PACRGL: variants seen among roughly 807,000 people sequenced by gnomAD.
PACRGL encodes the protein PACRG-like protein.
PACRGL carries 38 observed loss-of-function variants against 34.5 expected under a neutral mutation model. The ratio of observed to expected loss-of-function variants is 1.10; its 90% CI spans 0.85 to 1.44. The LOEUF (loss-of-function observed/expected upper bound fraction) is 1.44, where lower values mean the gene tolerates loss of function less well. Ranked by LOEUF, PACRGL falls within the 40% of genes most tolerant of loss-of-function variation. The pLI, the probability that PACRGL is intolerant of heterozygous loss-of-function variation, is 0.00. For missense variants in PACRGL, 305 were observed against 281.4 expected, an observed-to-expected ratio of 1.08 and a Z score of -0.60; for synonymous variants, 128 against 100.1, an observed-to-expected ratio of 1.28 and a Z score of -1.66.
the PACRGL span, chr4:20,758,961 A>G: frequency 3.4e-6 from 4 of 1,188,054 alleles, no homozygotes; most frequent in Non-Finnish European, 5.0e-6. Flanking sequence ...CACATTTTGA[A>G]ACAGAACTGT....
chr4:20,736,569 TTA>T (rs1474277163), downstream of PACRGL, among the ~76,000 whole-genome samples: 4 of 152,306 alleles, frequency 2.6e-5, no homozygotes, highest in African/African-American at 9.6e-5. Flanking sequence ...TTTCTAATTT[TTA>T]TATGTTTACT....
rs992589042 is a variant in PACRGL at position 20,731,761 on chromosome 4, C to T, written c.*4420C>T. Reference sequence around the variant, plus strand: ...TCTCTAAGGAATTTGGGAATCAACACAGTACATGTACAACTTTTGTATCCC... The same window carrying T: ...TCTCTAAGGAATTTGGGAATCAACATAGTACATGTACAACTTTTGTATCCC... On this transcript the variant is annotated 3_prime_UTR_variant, in exon 9 of 9. Transcript: ENST00000503585. 7 of 985,294 alleles carry T rather than the reference C, an allele frequency of 7.1e-6. No individual in the cohort carries two copies. The African/African-American group carries it at 1.0e-4, about 15-fold the overall frequency. 61.0% of individuals were successfully genotyped at this position (985,294 alleles called of 1,614,324 possible).
Position 20,731,844 on chromosome 4 carries a change from G to T in PACRGL, c.*4503G>T, listed in dbSNP as rs933323682. Reference sequence around the variant, plus strand: ...ACTCTAAATGTTGATTATGTAATTGGTGCTTGTTTTCAGAGTGGTAGGCTT... The same window carrying T: ...ACTCTAAATGTTGATTATGTAATTGTTGCTTGTTTTCAGAGTGGTAGGCTT... On this transcript the variant is annotated 3_prime_UTR_variant, in exon 9 of 9. Coordinates refer to ENST00000503585, the MANE Select transcript of PACRGL (RefSeq NM_001258345.3). 3 of 985,258 alleles carry T rather than the reference G, an allele frequency of 3.0e-6. No individual in the cohort carries two copies. The African/African-American group carries it at 5.2e-5, about 17-fold the overall frequency. The allele number at this position is 985,258 out of a possible 1,614,324, so 61.0% of individuals were successfully genotyped here.
downstream of PACRGL, among the ~76,000 whole-genome samples, chr4:20,756,527 TCA>T (rs1754471272): frequency 6.6e-6 from 1 of 152,158 alleles, no homozygotes; most frequent in Non-Finnish European, 1.5e-5. Flanking sequence ...AGCACTATGA[TCA>T]GTTTCCTCAT....
chr4:20,711,032 A>G (rs1325476836), intron 5 of PACRGL, among the ~76,000 whole-genome samples: 2 of 151,760 alleles, frequency 1.3e-5, no homozygotes, highest in African/African-American at 4.8e-5. Flanking sequence ...TACAAAAAAG[A>G]AAAAAAAGAA....
At chr4:20,716,240 T>A in intron 7 of PACRGL, 1 of 813,892 alleles carries the variant, frequency 1.2e-6, no homozygotes. Context: ...AAGATTAAAA[T>A]CAGCAAAGGT....
chr4:20,747,400 G>T (rs1396354352), intron 8 of PACRGL, among the ~76,000 whole-genome samples: 1 of 152,124 alleles, frequency 6.6e-6, no homozygotes, highest in Non-Finnish European at 1.5e-5. Flanking sequence ...AATTAAGACT[G>T]TGCTGGAATT....
chr4:20,701,064 C>G (rs985546807), intron 1 of PACRGL, among the ~76,000 whole-genome samples: 13 of 152,134 alleles, frequency 8.5e-5, no homozygotes, highest in African/African-American at 2.9e-4. Context: ...TAGAATTTGA[C>G]AGAGCTTTAC....
intron 4 of PACRGL, 138 bp from the exon 5 acceptor site, chr4:20,709,545 C>T (rs1736137579): frequency 3.7e-6 from 2 of 539,792 alleles, no homozygotes; most frequent in Non-Finnish European, 6.3e-6. Flanking sequence ...GTAAAATGTC[C>T]TTGTACTATC....
chr4:20,749,312 CT>C (rs1753139744), intron 8 of PACRGL, among the ~76,000 whole-genome samples: 1 of 152,130 alleles, frequency 6.6e-6, no homozygotes, highest in Non-Finnish European at 1.5e-5. Context: ...CATAACAGGA[CT>C]TTTGACTTTA....
Position 20,709,763 on chromosome 4 carries a change from C to G in PACRGL, c.356C>G (p.Thr119Ser). Residue 119 changes from threonine (T) to serine (S), a missense_variant, in exon 5 of 9, where the codon ACT (threonine) becomes AGT (serine). Thr to Ser is a moderately conservative substitution (Grantham distance 58). Transcript: ENST00000503585. ...CTTTCATTTGATCCACTTCTTATTA[C>G]TTTAGCTGAGGTAAATATGCCATCT... ...ESLSFDPLLI[T>S]LAEGLRETKH... 1 of 1,597,534 alleles carries G rather than the reference C, an allele frequency of 6.3e-7. No homozygotes were observed. Among genetic ancestry groups the G allele is most frequent in the Admixed American group, 1.7e-5 (1 of 59,850 alleles).
At chr4:20,708,980 A>AC (rs1212820929) in intron 4 of PACRGL, among the ~76,000 whole-genome samples, 1 of 151,652 alleles carries the variant, frequency 6.6e-6, no homozygotes, top group Non-Finnish European at 1.5e-5. Flanking sequence ...AAAAAAAAAA[A>AC]AATACAAAAT....
At chr4:20,738,718 C>T (rs1212635724) in intron 8 of PACRGL, among the ~76,000 whole-genome samples, 1 of 152,162 alleles carries the variant, frequency 6.6e-6, no homozygotes, top group South Asian at 2.1e-4. Context: ...ACTGAGGTAC[C>T]AGGTTCATCT....
chr4:20,748,558 T>TTTTA, intron 8 of PACRGL, among the ~76,000 whole-genome samples: 1 of 118,574 alleles, frequency 8.4e-6, no homozygotes, highest in African/African-American at 3.1e-5. Flanking sequence ...ACCTTCCAAA[T>TTTTA]TTTATATATA....
At chr4:20,711,137 C>T (rs1276168580) in intron 5 of PACRGL, among the ~76,000 whole-genome samples, 1 of 151,774 alleles carries the variant, frequency 6.6e-6, no homozygotes, top group African/African-American at 2.4e-5. Context: ...AACCTTAAGC[C>T]TTTTAAACCA....
chr4:20,746,859 A>C (rs1752523376), intron 8 of PACRGL, among the ~76,000 whole-genome samples: 9 of 152,100 alleles, frequency 5.9e-5, no homozygotes, highest in Admixed American at 5.9e-4. Flanking sequence ...TTTATCGTAG[A>C]ATCAGATGGT....
chr4:20,700,962 A>G (rs1275577297), intron 1 of PACRGL, among the ~76,000 whole-genome samples, 175 bp downstream of exon 1: 4 of 152,082 alleles, frequency 2.6e-5, no homozygotes, highest in Non-Finnish European at 5.9e-5. Context: ...TAAGACCCCT[A>G]AGCAGATTGT....
intron 8 of PACRGL, among the ~76,000 whole-genome samples, chr4:20,745,109 G>T (rs1311576936): frequency 6.6e-6 from 1 of 152,190 alleles, no homozygotes; most frequent in African/African-American, 2.4e-5. Context: ...GAATCATGGA[G>T]CCAAGGAGCT....
intron 7 of PACRGL, among the ~76,000 whole-genome samples, chr4:20,715,176 A>T (rs947275120): frequency 3.9e-5 from 6 of 152,206 alleles, no homozygotes; most frequent in African/African-American, 1.4e-4. Context: ...CACAAGGACA[A>T]AAAACCAAAC....
Sources: allele counts gnomAD v4.1 joint callset (sites outside exome capture counted in the v4.1 genomes callset), GRCh38; gene constraint gnomAD v4.1.1; transcripts MANE v1.5; gene names NCBI Gene and HGNC (gene_info 2026-07-23, HGNC 2026-07-21).